The following HS3ST2 variants were observed in gnomAD, a reference collection of about 807,000 sequenced individuals.
The protein encoded by HS3ST2 is heparan sulfate-glucosamine 3-sulfotransferase 2.
A neutral mutation model predicts 26.3 loss-of-function variants in HS3ST2; 17 were observed. That is an observed-to-expected ratio of 0.65 (90% CI 0.44 to 0.97). The LOEUF (loss-of-function observed/expected upper bound fraction) is 0.97. HS3ST2 is among the 50% of genes least tolerant of loss of function. The pLI is 0.00. For missense variants in HS3ST2, 402 were observed against 501.2 expected (o/e 0.80, Z 1.89); for synonymous variants, 237 against 219.2 (o/e 1.08, Z -0.72).
intron 1 of HS3ST2, among the ~76,000 whole-genome samples, chr16:22,829,473 T>C (rs1470552393): frequency 6.6e-6 from 1 of 151,748 alleles, no homozygotes; most frequent in Non-Finnish European, 1.5e-5. Context: ...GATCTCCTAG[T>C]TATAGCTTTT....
At chr16:22,898,656 C>T (rs1483917131) in intron 1 of HS3ST2, among the ~76,000 whole-genome samples, 4 of 152,146 alleles carry the variant, frequency 2.6e-5, no homozygotes, top group Admixed American at 2.0e-4. Flanking sequence ...AGAGCTGGAC[C>T]ATTCTATACC....
intron 1 of HS3ST2, among the ~76,000 whole-genome samples, chr16:22,846,894 C>G (rs1901441225): frequency 6.6e-6 from 1 of 152,078 alleles, no homozygotes; most frequent in Admixed American, 6.6e-5. Flanking sequence ...AGTCAGGATA[C>G]AAAAGTGGGG....
At chr16:22,829,076 C>T (rs578022151) in intron 1 of HS3ST2, among the ~76,000 whole-genome samples, 1 of 152,336 alleles carries the variant, frequency 6.6e-6, no homozygotes, top group South Asian at 2.1e-4. Context: ...GTCTCTAAAA[C>T]AGGAACCTCT....
chr16:22,855,926 G>A (rs539489703), intron 1 of HS3ST2, among the ~76,000 whole-genome samples: 4 of 152,222 alleles, frequency 2.6e-5, no homozygotes, highest in African/African-American at 4.8e-5. Context: ...CACAACTAGC[G>A]AGTGGGATGT....
chr16:22,898,601 G>T (rs1902239136), intron 1 of HS3ST2, among the ~76,000 whole-genome samples: 1 of 152,198 alleles, frequency 6.6e-6, no homozygotes, highest in Admixed American at 6.5e-5. Context: ...GTGTCTGCTA[G>T]TTCATCTTGC....
In HS3ST2 at chr16:22,885,406, C is replaced by T. The variant is rs1425849168; in HGVS notation, c.486-29538C>T. Among the ~76,000 whole-genome samples the T allele has an allele frequency of 2.0e-5, 3 of 151,462 alleles. No individual in the cohort carries two copies. The East Asian group carries it at 5.8e-4, about 29-fold the overall frequency. ...TAAATCTCACTCTCTGCTAGAGGAC[C>T]TCACTCTATGTCATTGTGGATCCCA... is the stretch of plus-strand genomic sequence containing the variant. On this transcript the variant is annotated intron_variant, in intron 1 of 1. Transcript: ENST00000261374.
chr16:22,833,956 A>AAAAGC (rs1901212990), intron 1 of HS3ST2, among the ~76,000 whole-genome samples: 1 of 152,148 alleles, frequency 6.6e-6, no homozygotes. Flanking sequence ...AAAACAAAAC[A>AAAAGC]AAAGCAAAGT....
At chr16:22,874,484 C>T (rs1054239047) in intron 1 of HS3ST2, among the ~76,000 whole-genome samples, 13 of 152,190 alleles carry the variant, frequency 8.5e-5, no homozygotes, top group Admixed American at 5.9e-4. Flanking sequence ...GGTTTCCCAG[C>T]GATCACGTCT....
intron 1 of HS3ST2, among the ~76,000 whole-genome samples, chr16:22,832,262 G>A (rs1901182447): frequency 6.6e-6 from 1 of 151,298 alleles, no homozygotes; most frequent in South Asian, 2.1e-4. Flanking sequence ...CTCTCAAAGT[G>A]CTAGGATCAC....
intron 1 of HS3ST2, among the ~76,000 whole-genome samples, chr16:22,857,408 T>C (rs1901610941): frequency 6.6e-6 from 1 of 152,196 alleles, no homozygotes; most frequent in Admixed American, 6.5e-5. Context: ...TCTCGATGAG[T>C]ATTTGAGATG....
At position 22,847,534 on chromosome 16, in the gene HS3ST2, C is replaced by T. The variant is rs1043508665; in HGVS notation, c.485+32439C>T. ...TCAGTGTATATTGCAAAACAATATA[C>T]GTGTTGCAAGATCGTACTGAAACCA... is the stretch of plus-strand genomic sequence containing the variant. On this transcript the variant is annotated intron_variant, in intron 1 of 1. Coordinates refer to ENST00000261374, the MANE Select transcript of HS3ST2 (RefSeq NM_006043.2). Among the ~76,000 whole-genome samples, 14 of 152,100 alleles carry T rather than the reference C, an allele frequency of 9.2e-5. No homozygotes were observed. In the South Asian group the frequency reaches 1.9e-3, roughly 20 times the overall value.
intron 1 of HS3ST2, among the ~76,000 whole-genome samples, chr16:22,877,764 G>A (rs989205100): frequency 6.6e-6 from 1 of 152,248 alleles, no homozygotes. Context: ...AAGTAATGAA[G>A]AGGAAGAAGG....
intron 1 of HS3ST2, among the ~76,000 whole-genome samples, chr16:22,893,681 T>C (rs541645900): frequency 6.6e-6 from 1 of 150,464 alleles, no homozygotes; most frequent in East Asian, 1.9e-4. Flanking sequence ...GTTCTGAAGC[T>C]CAAAGCCATC....
At chr16:22,891,694 G>A (rs1403769747) in intron 1 of HS3ST2, among the ~76,000 whole-genome samples, 3 of 152,058 alleles carry the variant, frequency 2.0e-5, no homozygotes, top group African/African-American at 7.2e-5. Flanking sequence ...CAGGAATTAT[G>A]TCTCGCAATA....
At chr16:22,885,466 T>A (rs1293242442) in intron 1 of HS3ST2, among the ~76,000 whole-genome samples, 1 of 151,826 alleles carries the variant, frequency 6.6e-6, no homozygotes, top group African/African-American at 2.4e-5. Context: ...TTCTTTGTTT[T>A]TTTTTTTGAG....
intron 1 of HS3ST2, among the ~76,000 whole-genome samples, chr16:22,888,372 T>TC (rs1166046216): frequency 5.2e-5 from 4 of 77,440 alleles, no homozygotes; most frequent in African/African-American, 3.3e-4. Flanking sequence ...CTCTGGCTTT[T>TC]CTTTTTTTTT....
chr16:22,878,061 A>G (rs1439363925), intron 1 of HS3ST2, among the ~76,000 whole-genome samples: 1 of 152,196 alleles, frequency 6.6e-6, no homozygotes, highest in Non-Finnish European at 1.5e-5. Flanking sequence ...ATATTCCTGT[A>G]TTATCAGAGT....
intron 1 of HS3ST2, among the ~76,000 whole-genome samples, chr16:22,865,516 A>C (rs1390370662): frequency 6.6e-6 from 1 of 152,200 alleles, no homozygotes; most frequent in Non-Finnish European, 1.5e-5. Context: ...AGATCTCACC[A>C]CTGCACTCCA....
chr16:22,892,691 TAG>T (rs1902146883), intron 1 of HS3ST2, among the ~76,000 whole-genome samples: 1 of 152,216 alleles, frequency 6.6e-6, no homozygotes, highest in Non-Finnish European at 1.5e-5. Flanking sequence ...GGATAAATTA[TAG>T]AGAGTGCCTT....
Sources: gnomAD v4.1 joint callset for allele counts (sites outside exome capture counted in the v4.1 genomes callset) on GRCh38, gnomAD v4.1.1 for gene constraint, MANE v1.5 for transcripts, NCBI Gene and HGNC (gene_info 2026-07-23, HGNC 2026-07-21) for gene names.